Variants in PLD5 observed in about 807,000 individuals in gnomAD.
The protein encoded by PLD5 is phospholipase D family member 5.
PLD5 carries 36 observed loss-of-function variants against 61.1 expected under a neutral mutation model. The observed-to-expected ratio is 0.59, with a 90% CI of 0.45 to 0.78. The LOEUF (loss-of-function observed/expected upper bound fraction) is 0.78, where lower values mean the gene tolerates loss of function less well. Among genes scored for constraint, PLD5 ranks in the 30% least tolerant of loss-of-function variants. The pLI, the probability that PLD5 is intolerant of heterozygous loss-of-function variation, is 0.00. For synonymous variants in PLD5, 243 were observed against 242.8 expected, an observed-to-expected ratio of 1.00 and a Z score of -0.01; for missense variants, 515 against 644.4, an observed-to-expected ratio of 0.80 and a Z score of 2.17.
chr1:242,339,843 C>A (rs1463953305), intron 2 of PLD5, among the ~76,000 whole-genome samples: 1 of 152,134 alleles, frequency 6.6e-6, no homozygotes, highest in Non-Finnish European at 1.5e-5. Flanking sequence ...CCAAAGCAAT[C>A]TCTAAACAGA....
At chr1:242,321,614 C>T (rs1658416147) in intron 2 of PLD5, among the ~76,000 whole-genome samples, 1 of 152,010 alleles carries the variant, frequency 6.6e-6, no homozygotes. Context: ...CCCATCTATT[C>T]TTTTTGATAG....
chr1:242,330,905 G>C (rs1398331065), intron 2 of PLD5, among the ~76,000 whole-genome samples: 1 of 152,142 alleles, frequency 6.6e-6, no homozygotes, highest in Non-Finnish European at 1.5e-5. Context: ...AAATTAAGTG[G>C]CTTTCTCAAT....
In PLD5 at chr1:242,096,961, C is replaced by T. The variant is rs192864173; in HGVS notation, c.1354+3707G>A. ...TCCCCTTCCTGTGTCTGTGTGTTCTCATTTTTCAATTCCCACCTATGAGTG... is the reference window on the plus strand; with the variant it reads ...TCCCCTTCCTGTGTCTGTGTGTTCTTATTTTTCAATTCCCACCTATGAGTG... On this transcript the variant is annotated intron_variant, in intron 9 of 9. Transcript: ENST00000536534. 2.4e-4 allele frequency among the ~76,000 whole-genome samples: 36 copies of T among 148,336 alleles called. No homozygotes were observed. In the East Asian group the frequency reaches 6.5e-3, roughly 27 times the overall value.
chr1:242,153,618 C>A (rs1478170390), intron 5 of PLD5, among the ~76,000 whole-genome samples: 3 of 152,050 alleles, frequency 2.0e-5, no homozygotes, highest in Non-Finnish European at 4.4e-5. Context: ...GAATCCTTTC[C>A]CCATTGCTTG....
At chr1:242,286,064 G>A (rs1318972900) in intron 3 of PLD5, among the ~76,000 whole-genome samples, 1 of 151,924 alleles carries the variant, frequency 6.6e-6, no homozygotes, top group African/African-American at 2.4e-5. Context: ...AGCCGAGGTC[G>A]CACCACTACA....
At chr1:242,164,091 G>A (rs556244214) in intron 5 of PLD5, among the ~76,000 whole-genome samples, 11 of 151,092 alleles carry the variant, frequency 7.3e-5, no homozygotes, top group East Asian at 3.9e-4. Context: ...AGTCATTATC[G>A]TTATTTTTAA....
chr1:242,341,277 A>T lies in PLD5; in HGVS notation c.326+6829T>A, dbSNP rs942553554. On this transcript the variant is annotated intron_variant, in intron 2 of 9. Transcript: ENST00000536534. ...AAGACCACTCTAAGGTCATGATACT[A>T]AACAGGAAAGTGACAAAATACTAGG... 9.5e-4 allele frequency among the ~76,000 whole-genome samples: 144 copies of T among 151,566 alleles called. 1 individual carries two copies. Among genetic ancestry groups the T allele is most frequent in the Admixed American group, 1.6e-3 (24 of 15,226 alleles).
At chr1:242,342,487 C>T (rs1260946720) in intron 2 of PLD5, among the ~76,000 whole-genome samples, 2 of 152,128 alleles carry the variant, frequency 1.3e-5, no homozygotes, top group African/African-American at 2.4e-5. Context: ...GAATGAGGTA[C>T]GAGGATGATC....
chr1:242,113,525 G>A (rs1353514123), intron 7 of PLD5, among the ~76,000 whole-genome samples: 1 of 152,076 alleles, frequency 6.6e-6, no homozygotes, highest in Non-Finnish European at 1.5e-5. Context: ...CCCTTTTCAG[G>A]TATATACTTG....
intron 1 of PLD5, among the ~76,000 whole-genome samples, chr1:242,440,599 G>C (rs1005361990): frequency 2.0e-5 from 3 of 152,206 alleles, no homozygotes; most frequent in Admixed American, 1.3e-4. Context: ...AAATTGTATA[G>C]AGTGTCCTTG....
intron 4 of PLD5, among the ~76,000 whole-genome samples, chr1:242,255,929 C>T (rs530617248): frequency 2.0e-4 from 31 of 152,330 alleles, no homozygotes; most frequent in Non-Finnish European, 2.6e-4. Flanking sequence ...AATTTAGTCA[C>T]GAGTAAAGGC....
At chr1:242,479,887 CA>C (rs200496068) in intron 1 of PLD5, among the ~76,000 whole-genome samples, 615 of 131,690 alleles carry the variant, frequency 4.7e-3, no homozygotes, top group African/African-American at 7.4e-3. Context: ...ACTAAAAATA[CA>C]AAAAAAAAAA....
intron 1 of PLD5, among the ~76,000 whole-genome samples, chr1:242,397,170 A>G (rs1663632133): frequency 6.6e-6 from 1 of 152,020 alleles, no homozygotes; most frequent in Admixed American, 6.6e-5. Context: ...TGACATTTTT[A>G]TCTCTACATA....
intron 2 of PLD5, among the ~76,000 whole-genome samples, chr1:242,304,306 T>C (rs1196728757): frequency 6.6e-6 from 1 of 152,232 alleles, no homozygotes; most frequent in Non-Finnish European, 1.5e-5. Context: ...TCACTGCAGA[T>C]TGGCCACACA....
chr1:242,158,109 G>A (rs1262203520), intron 5 of PLD5, among the ~76,000 whole-genome samples: 1 of 152,182 alleles, frequency 6.6e-6, no homozygotes, highest in Non-Finnish European at 1.5e-5. Flanking sequence ...TACACCATGA[G>A]GGTAAAACCA....
chr1:242,265,212 G>T (rs915944589), intron 4 of PLD5, 125 bp downstream of exon 4: 80 of 1,209,178 alleles, frequency 6.6e-5, no homozygotes, highest in Non-Finnish European at 8.0e-5. Context: ...TTTCAAAGAT[G>T]TAAATGTACT....
intron 1 of PLD5, among the ~76,000 whole-genome samples, chr1:242,367,146 G>A (rs1246825127): frequency 6.6e-6 from 1 of 152,026 alleles, no homozygotes; most frequent in East Asian, 1.9e-4. Context: ...TATAAATGAA[G>A]AACAGGTACA....
At chr1:242,169,117 C>A (rs1666553464) in intron 5 of PLD5, among the ~76,000 whole-genome samples, 1 of 151,554 alleles carries the variant, frequency 6.6e-6, no homozygotes, top group South Asian at 2.1e-4. Flanking sequence ...CCATTAGTAT[C>A]CCCCAAAACA....
At chr1:242,297,621 CTTTTTTTTTTTTTTT>C (rs56851216) in intron 2 of PLD5, among the ~76,000 whole-genome samples, 23 of 107,206 alleles carry the variant, frequency 2.1e-4, no homozygotes, top group Non-Finnish European at 2.2e-4. Flanking sequence ...ATTCATGTTT[CTTTTTTTTTTTTTTT>C]TTTTTTTTTT....
Sources: allele counts gnomAD v4.1 joint callset (sites outside exome capture counted in the v4.1 genomes callset), GRCh38; gene constraint gnomAD v4.1.1; transcripts MANE v1.5; gene names NCBI Gene and HGNC (gene_info 2026-07-23, HGNC 2026-07-21).